Variants in ZNF517 observed in about 807,000 individuals in gnomAD.
ZNF517 encodes zinc finger protein 517.
Under a neutral mutation model 12.1 loss-of-function variants are expected in ZNF517, and 12 were observed. That is an observed-to-expected ratio of 0.99 (90% CI 0.63 to 1.61). ZNF517 has a LOEUF of 1.61. Ranked by LOEUF, ZNF517 falls within the 40% of genes most tolerant of loss-of-function variation. ZNF517 has a pLI of 0.00. For synonymous variants in ZNF517, 388 were observed against 310.2 expected (o/e 1.25, Z -2.63); for missense variants, 781 against 693.2 (o/e 1.13, Z -1.42).
intron 1 of ZNF517, among the ~76,000 whole-genome samples, chr8:144,799,376 G>A (rs1402268673): frequency 2.6e-5 from 4 of 152,184 alleles, no homozygotes; most frequent in African/African-American, 4.8e-5. Context: ...CCGGGTTGGG[G>A]CATTTATTGG....
chr8:144,807,151 G>T (rs2954667), intron 4 of ZNF517, 40 bp from the exon 5 acceptor site: 1 of 1,510,050 alleles, frequency 6.6e-7, no homozygotes, highest in Admixed American at 2.3e-5. Flanking sequence ...TGTGAGTGTA[G>T]AGGCTGGATC....
chr8:144,800,957 G>T (rs1414647501), intron 1 of ZNF517, among the ~76,000 whole-genome samples: 1 of 152,046 alleles, frequency 6.6e-6, no homozygotes, highest in Non-Finnish European at 1.5e-5. Context: ...AGCCTCCCAA[G>T]TAGCTGGGAT....
At position 144,808,165 on chromosome 8, in the gene ZNF517, A is replaced by G. The variant is rs868457756; in HGVS notation, c.1249A>G (p.Ile417Val). 1 of 1,598,842 alleles carries G rather than the reference A, an allele frequency of 6.3e-7. No individual in the cohort carries two copies. Among genetic ancestry groups the G allele is most frequent in the African/African-American group, 1.4e-5 (1 of 72,844 alleles). Reference sequence around the variant, plus strand: ...GTCCAACCTCACTCTGCACCAGAAGATCCACACCAAGGAGAAGCCCTTCGC... The same window carrying G: ...GTCCAACCTCACTCTGCACCAGAAGGTCCACACCAAGGAGAAGCCCTTCGC... ...RKSNLTLHQK[I>V]HTKEKPFACT... is the part of the protein sequence containing the mutation. The change falls in exon 5 of 5, where the codon ATC (isoleucine) becomes GTC (valine). Residue 417 changes from isoleucine to valine, a missense_variant. By Grantham distance (29) the Ile-to-Val change is conservative. Coordinates refer to ENST00000359971, the MANE Select transcript of ZNF517 (RefSeq NM_213605.3).
In ZNF517 at chr8:144,800,437, G is replaced by C. The variant is rs554387618; in HGVS notation, c.-46+1500G>C. The C allele has an allele frequency of 2.1e-4, 203 of 960,966 alleles. No individual in the cohort carries two copies. The African/African-American group carries it at 3.4e-3, about 16-fold the overall frequency. The allele number at this position is 960,966 out of a possible 1,614,324, so 59.5% of individuals were successfully genotyped here. On this transcript the variant is annotated intron_variant, in intron 1 of 4. Transcript: ENST00000359971. The stretch of plus-strand genomic sequence containing the variant: ...AAACACAAAGCAGCAGTAACTTACC[G>C]CTCCTAGTCCAAGTCCTACCCTAGT...
downstream of ZNF517, chr8:144,811,218 T>G (rs1417780759): frequency 2.0e-5 from 3 of 152,316 alleles, no homozygotes; most frequent in Admixed American, 6.5e-5. Flanking sequence ...ATCCACTTAC[T>G]CTGTGGACCC....
rs1198663411 is a variant in ZNF517 at position 144,803,766 on chromosome 8, A to G, written c.159A>G (p.Leu53=). 5 of 1,613,364 alleles carry G rather than the reference A, an allele frequency of 3.1e-6. No individual in the cohort carries two copies. The South Asian group carries it at 4.4e-5, about 14-fold the overall frequency. ...MLENYGNLAS[L]GFLVAKPALI... Reference sequence around the variant, plus strand: ...AGAACTATGGGAACCTGGCCTCACTAGGTGAGGGCTTCTGCCTTTGGTCCT... The same window carrying G: ...AGAACTATGGGAACCTGGCCTCACTGGGTGAGGGCTTCTGCCTTTGGTCCT... The change falls in exon 3 of 5, where the codon CTA becomes CTG. Residue 53 remains leucine (L), a splice_region_variant and synonymous_variant. Coordinates refer to ENST00000359971, the MANE Select transcript of ZNF517 (RefSeq NM_213605.3).
At position 144,803,998 on chromosome 8, in the gene ZNF517, C is replaced by A. The variant is rs562068233; in HGVS notation, c.161-127C>A. 4 of 1,112,170 alleles carry A rather than the reference C, an allele frequency of 3.6e-6. No homozygotes were observed. In the African/African-American group the frequency reaches 4.7e-5, roughly 13 times the overall value. 68.9% of individuals were successfully genotyped at this position (1,112,170 alleles called of 1,614,324 possible). On this transcript the variant is annotated intron_variant, in intron 3 of 4. Coordinates refer to ENST00000359971, the MANE Select transcript of ZNF517 (RefSeq NM_213605.3). ...CTCCCCCTGGCCACCTAGCTGCCCC[C>A]TTCTGGGATAGTGAATGTTCCTGAC...
At chr8:144,811,005 G>C (rs1479147747), downstream of ZNF517, 2 of 152,016 alleles carry the variant, frequency 1.3e-5, no homozygotes, top group African/African-American at 4.9e-5. Context: ...CAGGTTGAGT[G>C]GGCAGGTACC....
chr8:144,803,330 C>T (rs1394014039), intron 2 of ZNF517: 3 of 473,312 alleles, frequency 6.3e-6, no homozygotes, highest in East Asian at 7.2e-5. Flanking sequence ...GGATGCTCCC[C>T]ACAGTGCAGG....
chr8:144,811,935 CAG>C (rs749998083), downstream of ZNF517, among the ~76,000 whole-genome samples: 15 of 100,256 alleles, frequency 1.5e-4, 1 homozygote, highest in Admixed American at 1.3e-3. Context: ...AAGGCTGAGA[CAG>C]GGTGGGAGAG....
rs1287525153 is a variant in ZNF517, at chr8:144,808,029, G to C, written c.1113G>C (p.Pro371=). Residue 371 remains proline (P), a synonymous_variant, in exon 5 of 5, where the codon CCG becomes CCC. Transcript: ENST00000359971. ...PQAGDPPHEC[P]VCGRPFRHNS... is the part of the protein sequence containing the mutation. ...CGGGGGACCCGCCCCACGAGTGCCC[G>C]GTGTGCGGGAGGCCGTTCCGACACA... The C allele has an allele frequency of 1.9e-6, 3 of 1,594,270 alleles. No individual in the cohort carries two copies. The highest frequency in any genetic ancestry group is 2.6e-6 in the Non-Finnish European group (3 of 1,170,694).
At chr8:144,802,383 A>G (rs1269448213) in intron 1 of ZNF517, among the ~76,000 whole-genome samples, 2 of 152,230 alleles carry the variant, frequency 1.3e-5, no homozygotes, top group Non-Finnish European at 2.9e-5. Flanking sequence ...CTCAAACAAA[A>G]CAAAACAATA....
downstream of ZNF517, chr8:144,810,563 T>C (rs1304838406): frequency 1.9e-5 from 5 of 258,476 alleles, no homozygotes; most frequent in Middle Eastern, 8.0e-4. Context: ...GTCTGGGCCA[T>C]GGGCAGGAAA....
Position 144,808,269 on chromosome 8 carries a change from A to G in ZNF517, c.1353A>G (p.Pro451=), listed in dbSNP as rs78918664. The change falls in exon 5 of 5, where the codon CCA becomes CCG. Residue 451 remains proline, a synonymous_variant. Transcript: ENST00000359971. ...EHYRLHSGER[P]YRCRACGRAC... The stretch of plus-strand genomic sequence containing the variant: ...ACCGGCTCCACAGCGGCGAGAGGCC[A>G]TACCGGTGCCGCGCCTGCGGGAGGG... 16,447 of 1,580,392 alleles carry G rather than the reference A, an allele frequency of 0.01. 1,490 individuals carry two copies. The African/African-American group carries it at 0.2, about 19-fold the overall frequency.
At chr8:144,813,240 T>C (rs1410998421), downstream of ZNF517, among the ~76,000 whole-genome samples, 1 of 145,648 alleles carries the variant, frequency 6.9e-6, no homozygotes, top group Non-Finnish European at 1.5e-5. Flanking sequence ...CGCTTGAACC[T>C]GGGCGTCGGA....
At position 144,807,554 on chromosome 8, in the gene ZNF517, C is replaced by T; in HGVS notation, c.638C>T (p.Ala213Val). 1 of 1,599,590 alleles carries T rather than the reference C, an allele frequency of 6.3e-7. No homozygotes were observed. Among genetic ancestry groups the T allele is most frequent in the Non-Finnish European group, 8.5e-7 (1 of 1,173,550 alleles). The change falls in exon 5 of 5, where the codon GCC becomes GTC. Residue 213 changes from alanine (A) to valine (V), a missense_variant. Coordinates refer to ENST00000359971, the MANE Select transcript of ZNF517 (RefSeq NM_213605.3). ...KPFQCTECGK[A>V]FKQSSILLRH... ...TTCCAGTGCACAGAGTGCGGGAAGGCCTTCAAGCAAAGCTCCATCCTGCTG... is the reference window on the plus strand; with the variant it reads ...TTCCAGTGCACAGAGTGCGGGAAGGTCTTCAAGCAAAGCTCCATCCTGCTG...
intron 1 of ZNF517, among the ~76,000 whole-genome samples, chr8:144,801,588 C>T (rs765731807): frequency 1.3e-5 from 2 of 152,210 alleles, no homozygotes; most frequent in African/African-American, 2.4e-5. Context: ...CGCCATTCTC[C>T]TGCCTCAGCC....
chr8:144,802,834 T>C (rs1827033021), intron 1 of ZNF517, 36 bp from the exon 2 acceptor site: 1 of 1,611,322 alleles, frequency 6.2e-7, no homozygotes, highest in East Asian at 2.2e-5. Context: ...GCCTTAGGCC[T>C]GGGCTCTTTC....
At position 144,808,116 on chromosome 8, in the gene ZNF517, G is replaced by C; in HGVS notation, c.1200G>C (p.Glu400Asp). 1 of 1,612,488 alleles carries C rather than the reference G, an allele frequency of 6.2e-7. No homozygotes were observed. The highest frequency in any genetic ancestry group is 8.5e-7 in the Non-Finnish European group (1 of 1,179,662). Residue 400 changes from glutamate (E) to aspartate (D), a missense_variant, in exon 5 of 5, where the codon GAG becomes GAC. Glu to Asp is a conservative substitution (Grantham distance 45). Transcript: ENST00000359971. The part of the protein sequence containing the change: ...HTGEKPFECA[E>D]CGKAFGRKSN... ...GCGAGAAGCCGTTCGAGTGCGCGGAGTGCGGCAAGGCCTTCGGTCGCAAGT... is the reference window on the plus strand; with the variant it reads ...GCGAGAAGCCGTTCGAGTGCGCGGACTGCGGCAAGGCCTTCGGTCGCAAGT...
Sources: allele counts gnomAD v4.1 joint callset (sites outside exome capture counted in the v4.1 genomes callset), GRCh38; gene constraint gnomAD v4.1.1; transcripts MANE v1.5; gene names NCBI Gene and HGNC (gene_info 2026-07-23, HGNC 2026-07-21).